The following CAMK1D variants were observed in gnomAD, a reference collection of about 807,000 sequenced individuals.
CAMK1D encodes calcium/calmodulin-dependent protein kinase type 1D.
CAMK1D carries 9 observed loss-of-function variants against 47.7 expected under a neutral mutation model. That is an observed-to-expected ratio of 0.19 (90% CI 0.11 to 0.33). The LOEUF is 0.33. Ranked by LOEUF, CAMK1D falls within the 10% of genes least tolerant of loss-of-function variation. The pLI is 1.00. For synonymous variants in CAMK1D, 184 were observed against 184.9 expected (o/e 0.99, Z 0.04); for missense variants, 291 against 488.7 (o/e 0.60, Z 3.81).
chr10:12,693,953 A>T (rs1833043261), intron 3 of CAMK1D, among the ~76,000 whole-genome samples: 1 of 66,878 alleles, frequency 1.5e-5, no homozygotes, highest in Non-Finnish European at 2.7e-5. Context: ...TATATAATAT[A>T]TATTATATAT....
At chr10:12,425,783 C>T (rs893825721) in intron 1 of CAMK1D, among the ~76,000 whole-genome samples, 1 of 152,134 alleles carries the variant, frequency 6.6e-6, no homozygotes, top group Non-Finnish European at 1.5e-5. Flanking sequence ...GTTGAACAAG[C>T]GAATATATGG....
chr10:12,755,806 G>T (rs1443257276), intron 3 of CAMK1D, among the ~76,000 whole-genome samples: 2 of 152,100 alleles, frequency 1.3e-5, no homozygotes, highest in Non-Finnish European at 2.9e-5. Flanking sequence ...TGCTTTGTTT[G>T]CAGCCTTTCT....
chr10:12,609,344 TG>T (rs1554796515), intron 2 of CAMK1D, among the ~76,000 whole-genome samples: 6 of 151,924 alleles, frequency 3.9e-5, no homozygotes, highest in Non-Finnish European at 8.8e-5. Context: ...GGAGACGGGG[TG>T]GGGGAAATGG....
At chr10:12,639,948 C>G (rs878958227) in intron 2 of CAMK1D, among the ~76,000 whole-genome samples, 1 of 152,168 alleles carries the variant, frequency 6.6e-6, no homozygotes, top group Non-Finnish European at 1.5e-5. Flanking sequence ...TAGCTCTGCT[C>G]GCACAATTGC....
At chr10:12,423,575 C>G (rs1213459231) in intron 1 of CAMK1D, among the ~76,000 whole-genome samples, 1 of 152,136 alleles carries the variant, frequency 6.6e-6, no homozygotes, top group African/African-American at 2.4e-5. Context: ...ATTCTATTAC[C>G]TCCGGCTCCT....
At chr10:12,360,822 C>G (rs1046744116) in intron 1 of CAMK1D, among the ~76,000 whole-genome samples, 3 of 152,076 alleles carry the variant, frequency 2.0e-5, no homozygotes, top group South Asian at 2.1e-4. Context: ...CTGTCCTGGG[C>G]TCTGGAAAGG....
At chr10:12,793,022 G>A (rs1001803346) in intron 6 of CAMK1D, among the ~76,000 whole-genome samples, 3 of 151,978 alleles carry the variant, frequency 2.0e-5, no homozygotes, top group Non-Finnish European at 4.4e-5. Flanking sequence ...CTCGGGGGGT[G>A]TGGTCATTGT....
intron 2 of CAMK1D, among the ~76,000 whole-genome samples, chr10:12,649,826 A>G (rs1839911071): frequency 6.6e-6 from 1 of 152,218 alleles, no homozygotes; most frequent in Non-Finnish European, 1.5e-5. Flanking sequence ...CCACTTGTTC[A>G]TGATGAAACA....
rs371706523 is a variant in CAMK1D, at chr10:12,534,812, G to A, written c.93-18413G>A. ...GTATCTTGTGGACTGTCCTCCTCCA[G>A]AACCTTGGAGTCCTCTGCATTTAGC... On this transcript the variant is annotated intron_variant, in intron 1 of 10. Coordinates refer to ENST00000619168, the MANE Select transcript of CAMK1D (RefSeq NM_153498.4). 1.3e-3 allele frequency among the ~76,000 whole-genome samples: 197 copies of A among 152,256 alleles called. 2 individuals carry two copies. Among genetic ancestry groups the A allele is most frequent in the African/African-American group, 3.9e-3 (163 of 41,544 alleles).
chr10:12,527,515 C>T (rs995446760), intron 1 of CAMK1D, among the ~76,000 whole-genome samples: 8 of 152,076 alleles, frequency 5.3e-5, no homozygotes, highest in East Asian at 1.9e-4. Flanking sequence ...CCACCACGCC[C>T]GGCTAATTTT....
At chr10:12,549,893 C>T (rs892446936) in intron 1 of CAMK1D, among the ~76,000 whole-genome samples, 13 of 152,314 alleles carry the variant, frequency 8.5e-5, no homozygotes, top group South Asian at 4.1e-4. Flanking sequence ...TATTGTCTCT[C>T]GGGCTGAGTC....
chr10:12,667,724 G>C (rs1329917710), intron 3 of CAMK1D, among the ~76,000 whole-genome samples: 1 of 152,210 alleles, frequency 6.6e-6, no homozygotes, highest in African/African-American at 2.4e-5. Context: ...ACTTTGGATT[G>C]TTGAGGGTAT....
At chr10:12,395,207 G>A (rs1310723899) in intron 1 of CAMK1D, among the ~76,000 whole-genome samples, 1 of 151,500 alleles carries the variant, frequency 6.6e-6, no homozygotes. Context: ...AGGTAGCTAG[G>A]TGCATACCAC....
In CAMK1D at chr10:12,723,682, A is replaced by G. The variant is rs186974905; in HGVS notation, c.300-37266A>G. Among the ~76,000 whole-genome samples the G allele has an allele frequency of 7.6e-4, 114 of 150,884 alleles. 1 individual carries two copies. Among genetic ancestry groups the G allele is most frequent in the Admixed American group, 6.9e-3 (96 of 14,014 alleles). On this transcript the variant is annotated intron_variant, in intron 3 of 10. Transcript: ENST00000619168. ...TTTTTTCTATTAAAATACATCATAAATAATTATGTTTATATCCTTGCAGTA... is the reference window on the plus strand; with the variant it reads ...TTTTTTCTATTAAAATACATCATAAGTAATTATGTTTATATCCTTGCAGTA...
At chr10:12,722,542 T>C (rs1834441556) in intron 3 of CAMK1D, among the ~76,000 whole-genome samples, 1 of 151,694 alleles carries the variant, frequency 6.6e-6, no homozygotes, top group Non-Finnish European at 1.5e-5. Flanking sequence ...TATAGAAATT[T>C]GCCCTTCAGC....
intron 6 of CAMK1D, 66 bp downstream of exon 6, chr10:12,791,299 T>C (rs1837968499): frequency 1.4e-6 from 2 of 1,411,128 alleles, no homozygotes; most frequent in African/African-American, 2.8e-5. Flanking sequence ...GAAATATACA[T>C]GAAACAAAAT....
At chr10:12,541,321 A>G (rs1419648919) in intron 1 of CAMK1D, among the ~76,000 whole-genome samples, 1 of 152,134 alleles carries the variant, frequency 6.6e-6, no homozygotes, top group South Asian at 2.1e-4. Context: ...TACACATTGA[A>G]CATTGAGACC....
intron 1 of CAMK1D, among the ~76,000 whole-genome samples, chr10:12,447,385 A>C (rs2724820): frequency 6.6e-6 from 1 of 152,186 alleles, no homozygotes. Flanking sequence ...GCCTTCAGAT[A>C]GTTTTTTCCT....
At chr10:12,817,978 C>T (rs560304556) in intron 8 of CAMK1D, among the ~76,000 whole-genome samples, 105 of 152,242 alleles carry the variant, frequency 6.9e-4, no homozygotes, top group African/African-American at 2.4e-3. Flanking sequence ...TGTGAGCCAC[C>T]GCGCTGGCCT....
Sources: allele counts gnomAD v4.1 joint callset (sites outside exome capture counted in the v4.1 genomes callset), GRCh38; gene constraint gnomAD v4.1.1; transcripts MANE v1.5; gene names NCBI Gene and HGNC (gene_info 2026-07-23, HGNC 2026-07-21).